Variants in PACRG observed in about 807,000 individuals in gnomAD.
PACRG encodes the protein parkin coregulated gene protein.
Under a neutral mutation model 29.7 loss-of-function variants are expected in PACRG, and 29 were observed. The ratio of observed to expected loss-of-function variants is 0.98; its 90% confidence interval spans 0.73 to 1.33. The LOEUF is 1.33. Among genes scored for constraint, PACRG ranks in the 40% most tolerant of loss-of-function variants. The pLI is 0.00. For missense variants in PACRG, 279 were observed against 316.2 expected (o/e 0.88, Z 0.89); for synonymous variants, 116 against 118.7 (o/e 0.98, Z 0.15).
At chr6:162,934,502 A>G (rs1228928040) in intron 2 of PACRG, among the ~76,000 whole-genome samples, 1 of 152,154 alleles carries the variant, frequency 6.6e-6, no homozygotes, top group Non-Finnish European at 1.5e-5. Flanking sequence ...ATTTCTTTTC[A>G]GCAGGATATA....
chr6:162,745,954 T>C (rs1297832779), intron 1 of PACRG, among the ~76,000 whole-genome samples: 1 of 152,184 alleles, frequency 6.6e-6, no homozygotes. Flanking sequence ...ATAATAATTA[T>C]GTTGTATAAA....
intron 2 of PACRG, among the ~76,000 whole-genome samples, chr6:163,041,521 AC>A (rs1296840737): frequency 6.6e-6 from 1 of 151,990 alleles, no homozygotes; most frequent in Non-Finnish European, 1.5e-5. Flanking sequence ...CATGTAAGAC[AC>A]GCCTTGCTTC....
chr6:162,811,730 C>A (rs1786887214), intron 1 of PACRG, among the ~76,000 whole-genome samples: 1 of 152,130 alleles, frequency 6.6e-6, no homozygotes, highest in Non-Finnish European at 1.5e-5. Context: ...GATGGGTAGA[C>A]AAACTGATGT....
At chr6:163,157,847 C>T (rs1214040013) in intron 4 of PACRG, among the ~76,000 whole-genome samples, 1 of 152,178 alleles carries the variant, frequency 6.6e-6, no homozygotes, top group Non-Finnish European at 1.5e-5. Context: ...TGTTCAATAA[C>T]ACTATGAAAG....
chr6:162,893,738 C>T (rs971559172), intron 2 of PACRG, among the ~76,000 whole-genome samples: 6 of 152,296 alleles, frequency 3.9e-5, no homozygotes, highest in Admixed American at 6.5e-5. Context: ...AAAACAGAGC[C>T]GCCGTGCTTA....
intron 2 of PACRG, among the ~76,000 whole-genome samples, chr6:162,947,303 A>T (rs12210958): frequency 0.017 from 780 of 46,368 alleles, 41 homozygotes; most frequent in African/African-American, 0.048. Flanking sequence ...TAATCATATA[A>T]TATATATAAT....
chr6:163,087,983 G>A (rs1166824963), intron 3 of PACRG, among the ~76,000 whole-genome samples: 1 of 152,206 alleles, frequency 6.6e-6, no homozygotes, highest in African/African-American at 2.4e-5. Flanking sequence ...CGAAGGAGGA[G>A]AAACAGGCTT....
intron 1 of PACRG, among the ~76,000 whole-genome samples, chr6:162,760,762 G>A (rs1324030899): frequency 6.6e-6 from 1 of 152,112 alleles, no homozygotes; most frequent in Non-Finnish European, 1.5e-5. Flanking sequence ...GGTGGGACGG[G>A]CCGTTGAAGG....
At chr6:163,178,640 T>C (rs1474986739) in intron 4 of PACRG, among the ~76,000 whole-genome samples, 1 of 152,216 alleles carries the variant, frequency 6.6e-6, no homozygotes, top group Non-Finnish European at 1.5e-5. Context: ...GCCAGTATTA[T>C]GTTGAATTTT....
At chr6:162,766,474 C>T (rs1395021429) in intron 1 of PACRG, among the ~76,000 whole-genome samples, 1 of 152,080 alleles carries the variant, frequency 6.6e-6, no homozygotes, top group African/African-American at 2.4e-5. Context: ...CCTTAGGTTG[C>T]TTCCATATCT....
chr6:162,768,001 T>G (rs114376453), intron 1 of PACRG, among the ~76,000 whole-genome samples: 245 of 152,194 alleles, frequency 1.6e-3, no homozygotes, highest in Middle Eastern at 3.4e-3. Context: ...ATCCCACAAA[T>G]TAGATGTTAT....
chr6:162,948,282 C>T (rs1464970250), intron 2 of PACRG, among the ~76,000 whole-genome samples: 2 of 152,026 alleles, frequency 1.3e-5, no homozygotes, highest in Non-Finnish European at 2.9e-5. Flanking sequence ...GTGCCAACAA[C>T]ATACATAGGG....
intron 3 of PACRG, among the ~76,000 whole-genome samples, chr6:163,076,873 G>A (rs374121011): frequency 1.9e-4 from 29 of 151,928 alleles, no homozygotes; most frequent in Non-Finnish European, 3.4e-4. Context: ...TTCCCTCCCC[G>A]ACATAACTTT....
chr6:163,210,840 G>A (rs1781106311), intron 4 of PACRG, among the ~76,000 whole-genome samples: 2 of 152,210 alleles, frequency 1.3e-5, no homozygotes, highest in East Asian at 1.9e-4. Context: ...TCAGTGAATA[G>A]CTGTATTGGG....
intron 4 of PACRG, among the ~76,000 whole-genome samples, chr6:163,213,746 C>T (rs1343374153): frequency 2.0e-5 from 3 of 151,994 alleles, no homozygotes; most frequent in African/African-American, 2.4e-5. Flanking sequence ...ATAGGTATTA[C>T]GAATACCCCC....
Position 162,798,238 on chromosome 6 carries a change from A to C in PACRG, c.157-15909A>C, listed in dbSNP as rs181188958. On this transcript the variant is annotated intron_variant, in intron 1 of 4. Transcript: ENST00000366888. ...GGTTGCAAGTGTCATTTGTTTATGT[A>C]TTTATTTGTGTTTGTGGGTCCCTCT... 2.0e-5 allele frequency among the ~76,000 whole-genome samples: 3 copies of C among 152,092 alleles called. No individual in the cohort carries two copies. The East Asian group carries it at 5.8e-4, about 29-fold the overall frequency.
chr6:163,055,340 ATG>A lies in PACRG; in HGVS notation c.292-6809_292-6808del, dbSNP rs1491245664. ...CACATATCCAGGTGTGCACACACAC[ATG>A]CACACACACACGCACACACACGCAC... is the stretch of plus-strand genomic sequence containing the variant. On this transcript the variant is annotated intron_variant, in intron 2 of 4. Coordinates refer to ENST00000366888, the MANE Select transcript of PACRG (RefSeq NM_001080379.2). This position sits in a 1 kb window ranked among gnomAD's most constrained non-coding sequence, Gnocchi z 4.0. Among the ~76,000 whole-genome samples the A allele has an allele frequency of 9.3e-6, 1 of 108,064 alleles. No homozygotes were observed. Among genetic ancestry groups the A allele is most frequent in the African/African-American group, 3.7e-5 (1 of 27,084 alleles). 70.9% of individuals were successfully genotyped at this position (108,064 alleles called of 152,430 possible).
chr6:163,040,207 C>G (rs1808561806), intron 2 of PACRG, among the ~76,000 whole-genome samples: 1 of 152,174 alleles, frequency 6.6e-6, no homozygotes. Flanking sequence ...GTGTGTGAGC[C>G]CCAAGCATTG....
Position 163,231,210 on chromosome 6 carries a change from G to A in PACRG, c.614-83617G>A, listed in dbSNP as rs575557594. 9.8e-5 allele frequency among the ~76,000 whole-genome samples: 15 copies of A among 152,330 alleles called. No homozygotes were observed. The South Asian group carries it at 1.0e-3, about 11-fold the overall frequency. On this transcript the variant is annotated intron_variant, in intron 4 of 4. Transcript: ENST00000366888. ...GGTTTCTCCTGCCAGCAGCACTGGC[G>A]TCCTCCAAAATTGCTTCCTGCGGCT...
Sources: allele counts gnomAD v4.1 joint callset (sites outside exome capture counted in the v4.1 genomes callset), GRCh38; gene constraint gnomAD v4.1.1; non-coding constraint Gnocchi (gnomAD v3.1); transcripts MANE v1.5; gene names NCBI Gene and HGNC (gene_info 2026-07-23, HGNC 2026-07-21).